The following TRMT9B variants were observed in gnomAD, a reference collection of about 807,000 sequenced individuals.
TRMT9B encodes probable tRNA methyltransferase 9B.
Under a neutral mutation model 11.5 loss-of-function variants are expected in TRMT9B, and 16 were observed. The observed-to-expected ratio is 1.39, with a 90% CI of 0.94 to 2.11. The LOEUF (loss-of-function observed/expected upper bound fraction) is 2.11. Ranked by LOEUF, TRMT9B falls within the 30% of genes most tolerant of loss-of-function variation. The probability of loss-of-function intolerance (pLI) is 0.00; values close to 1 mark genes in which losing one functional copy is unlikely to be tolerated. For synonymous variants in TRMT9B, 274 were observed against 192.4 expected (o/e 1.42, Z -3.51); for missense variants, 941 against 553.8 (o/e 1.70, Z -7.02).
chr8:13,008,026 A>C (rs1810822294), intron 3 of TRMT9B, among the ~76,000 whole-genome samples: 1 of 152,230 alleles, frequency 6.6e-6, no homozygotes. Flanking sequence ...TTGAATTGGC[A>C]AATACTGAAT....
chr8:13,010,358 A>G (rs1230664683), intron 3 of TRMT9B: 4 of 975,852 alleles, frequency 4.1e-6, no homozygotes, highest in Non-Finnish European at 4.9e-6. Flanking sequence ...TGAAAAAGAA[A>G]GAAGTTCAAA....
intron 1 of TRMT9B, among the ~76,000 whole-genome samples, chr8:12,962,721 G>A (rs951159193): frequency 6.6e-6 from 1 of 152,116 alleles, no homozygotes; most frequent in Non-Finnish European, 1.5e-5. Context: ...GAACTCCTGA[G>A]CTCAAGTGAT....
intron 3 of TRMT9B, chr8:13,011,570 T>G: frequency 1.1e-6 from 1 of 937,916 alleles, no homozygotes; most frequent in African/African-American, 1.8e-5. Context: ...TGATAGAATA[T>G]AATACTAAGT....
rs775375931 is a variant in TRMT9B, at chr8:13,006,248, G to T, written c.46G>T (p.Val16Leu). 1.9e-6 allele frequency: 3 copies of T among 1,614,006 alleles called. No individual in the cohort carries two copies. In the South Asian group the frequency reaches 3.3e-5, roughly 18 times the overall value. Residue 16 changes from valine (V) to leucine (L), a missense_variant, in exon 3 of 5, where the codon GTG becomes TTG. By Grantham distance (32) the Val-to-Leu change is conservative (BLOSUM62 1). Coordinates refer to ENST00000524591, the MANE Select transcript of TRMT9B (RefSeq NM_020844.3). ...GCTGGAGAAGCAGCATGTGCACAATGTGTACGAGAGCACAGCCCCTTACTT... is the reference window on the plus strand; with the variant it reads ...GCTGGAGAAGCAGCATGTGCACAATTTGTACGAGAGCACAGCCCCTTACTT... The part of the protein sequence containing the change: ...AQLEKQHVHN[V>L]YESTAPYFSD...
rs1231817852 is a variant in TRMT9B, at chr8:13,026,972, T to C, written c.*4928T>C. 1 of 167,118 alleles carries C rather than the reference T, an allele frequency of 6.0e-6. No homozygotes were observed. Among genetic ancestry groups the C allele is most frequent in the African/African-American group, 2.4e-5 (1 of 41,466 alleles). 10.4% of individuals were successfully genotyped at this position (167,118 alleles called of 1,614,324 possible). On this transcript the variant is annotated 3_prime_UTR_variant, in exon 5 of 5. Transcript: ENST00000524591. The stretch of plus-strand genomic sequence containing the variant: ...CTTTTATCTTTTTTTCATTTGTAAA[T>C]CTGTTTCGATTTGATTTGAATTAAA...
intron 1 of TRMT9B, among the ~76,000 whole-genome samples, chr8:12,989,190 C>G (rs1239826730): frequency 1.3e-5 from 2 of 152,124 alleles, no homozygotes; most frequent in African/African-American, 4.8e-5. Flanking sequence ...AGGTACAGAC[C>G]TTGCCCTAGA....
At chr8:13,019,842 G>A (rs890050180) in intron 4 of TRMT9B, among the ~76,000 whole-genome samples, 1 of 152,194 alleles carries the variant, frequency 6.6e-6, no homozygotes, top group African/African-American at 2.4e-5. Context: ...AGTTCTAGCA[G>A]AATGAAATAC....
intron 1 of TRMT9B, among the ~76,000 whole-genome samples, chr8:12,953,610 C>G (rs1286829131): frequency 6.6e-6 from 1 of 152,178 alleles, no homozygotes; most frequent in East Asian, 1.9e-4. Flanking sequence ...ACCTTGGAAG[C>G]CTTTATCTTT....
In TRMT9B at chr8:13,002,797, G is replaced by C. The variant is rs912543110; in HGVS notation, c.-1-3405G>C. ...AGTCTCAAAGTCTCTCTCCATACAG[G>C]GAAGACACCGTCTTACCCAAGTACT... On this transcript the variant is annotated intron_variant, in intron 2 of 4. Coordinates refer to ENST00000524591, the MANE Select transcript of TRMT9B (RefSeq NM_020844.3). Among the ~76,000 whole-genome samples the C allele has an allele frequency of 2.6e-5, 4 of 152,146 alleles. No homozygotes were observed. In the South Asian group the frequency reaches 8.3e-4, roughly 32 times the overall value.
At chr8:13,017,081 C>G (rs374191161) in intron 4 of TRMT9B, among the ~76,000 whole-genome samples, 2 of 144,626 alleles carry the variant, frequency 1.4e-5, no homozygotes, top group Middle Eastern at 3.3e-3. Context: ...CCAGGTCACA[C>G]CACTGCACTC....
intron 1 of TRMT9B, among the ~76,000 whole-genome samples, chr8:12,981,639 G>A (rs1296475484): frequency 6.6e-6 from 1 of 151,002 alleles, no homozygotes; most frequent in East Asian, 1.9e-4. Flanking sequence ...TCGCTCTATT[G>A]CCCAGGCTGG....
rs1248350346 is a variant in TRMT9B at position 13,025,026 on chromosome 8, G to C, written c.*2982G>C. On this transcript the variant is annotated 3_prime_UTR_variant, in exon 5 of 5. Coordinates refer to ENST00000524591, the MANE Select transcript of TRMT9B (RefSeq NM_020844.3). ...GAGTATAAACGTAGACAGTTGATTT[G>C]TGAATGCTGTCGGCCTCAACTTGCT... 3 of 167,066 alleles carry C rather than the reference G, an allele frequency of 1.8e-5. No individual in the cohort carries two copies. The highest frequency in any genetic ancestry group is 4.4e-5 in the Non-Finnish European group (3 of 68,120). 10.3% of individuals were successfully genotyped at this position (167,066 alleles called of 1,614,324 possible).
chr8:12,993,509 A>T (rs772811514), intron 2 of TRMT9B, among the ~76,000 whole-genome samples: 3 of 152,080 alleles, frequency 2.0e-5, no homozygotes, highest in Non-Finnish European at 4.4e-5. Context: ...ATTAGAGGGG[A>T]TAGATGTGGG....
chr8:12,995,760 G>C (rs1288618453), intron 2 of TRMT9B, among the ~76,000 whole-genome samples: 1 of 152,128 alleles, frequency 6.6e-6, no homozygotes, highest in Non-Finnish European at 1.5e-5. Flanking sequence ...ATACCAATTA[G>C]ACCCAAGTCA....
Position 13,023,993 on chromosome 8 carries a change from A to G in TRMT9B, c.*1949A>G, listed in dbSNP as rs1000803563. ...CCTGCAGTAGTGGATGATTGAAAAC[A>G]TATATAAGTGGAGTATAAATTAAAA... On this transcript the variant is annotated 3_prime_UTR_variant, in exon 5 of 5. Coordinates refer to ENST00000524591, the MANE Select transcript of TRMT9B (RefSeq NM_020844.3). 6.0e-6 allele frequency: 1 copy of G among 166,496 alleles called. No individual in the cohort carries two copies. Among genetic ancestry groups the G allele is most frequent in the African/African-American group, 2.4e-5 (1 of 41,272 alleles). 10.3% of individuals were successfully genotyped at this position (166,496 alleles called of 1,614,324 possible).
intron 3 of TRMT9B, chr8:13,007,808 C>A (rs951058755): frequency 6.6e-6 from 1 of 151,980 alleles, no homozygotes; most frequent in Non-Finnish European, 1.5e-5. Flanking sequence ...TTTCTCACAC[C>A]TTACATCAAA....
chr8:13,007,829 A>C (rs73204380), intron 3 of TRMT9B, among the ~76,000 whole-genome samples: 1,657 of 152,284 alleles, frequency 0.011, 10 homozygotes, highest in Non-Finnish European at 0.018. Flanking sequence ...ATAAATTCCA[A>C]ATGAAGCAAA....
At chr8:12,972,377 G>T (rs1803768978) in intron 1 of TRMT9B, among the ~76,000 whole-genome samples, 1 of 152,154 alleles carries the variant, frequency 6.6e-6, no homozygotes, top group Non-Finnish European at 1.5e-5. Flanking sequence ...TCTCTTGGGA[G>T]GAGACTTGCT....
rs546462126 is a variant in TRMT9B, at chr8:12,950,343, A to G, written c.-200+4377A>G. ...CAGGTCCTACTATTTGCCAGGCACT[A>G]TCCTATACTTTAGGTATGCTTTGTC... On this transcript the variant is annotated intron_variant, in intron 1 of 4. Transcript: ENST00000524591. Among the ~76,000 whole-genome samples the G allele has an allele frequency of 2.6e-5, 4 of 152,300 alleles. No homozygotes were observed. The East Asian group carries it at 7.7e-4, about 29-fold the overall frequency.
Sources: gnomAD v4.1 joint callset for allele counts (sites outside exome capture counted in the v4.1 genomes callset) on GRCh38, gnomAD v4.1.1 for gene constraint, MANE v1.5 for transcripts, NCBI Gene and HGNC (gene_info 2026-07-23, HGNC 2026-07-21) for gene names.